Variants in NCAM2 observed in about 807,000 individuals in gnomAD.
NCAM2 encodes the protein neural cell adhesion molecule 2, also known as N-CAM-2.
In NCAM2, 30 loss-of-function variants were observed where a neutral mutation model predicts 98.1. That is an observed-to-expected ratio of 0.31 (90% CI 0.23 to 0.41). NCAM2 has a LOEUF of 0.41. NCAM2 is among the 10% of genes least tolerant of loss of function. The probability of loss-of-function intolerance (pLI) is 1.00; values close to 1 mark genes in which losing one functional copy is unlikely to be tolerated. For missense variants in NCAM2, 867 were observed against 1,005.8 expected, an observed-to-expected ratio of 0.86 and a Z score of 1.87; for synonymous variants, 368 against 342.4, an observed-to-expected ratio of 1.07 and a Z score of -0.83.
chr21:21,204,485 C>T (rs1260981465), intron 1 of NCAM2, among the ~76,000 whole-genome samples: 4 of 151,912 alleles, frequency 2.6e-5, no homozygotes, highest in African/African-American at 4.8e-5. Context: ...TTGTTTTGTT[C>T]GCTGTTTTGT....
intron 1 of NCAM2, among the ~76,000 whole-genome samples, chr21:21,009,288 C>T (rs59464595): frequency 0.025 from 3,813 of 152,088 alleles, 69 homozygotes; most frequent in African/African-American, 0.046. Flanking sequence ...TTATTTCACA[C>T]GTTTTGTTTA....
At chr21:21,327,020 C>G (rs922667525) in intron 6 of NCAM2, among the ~76,000 whole-genome samples, 2 of 152,142 alleles carry the variant, frequency 1.3e-5, no homozygotes, top group African/African-American at 4.8e-5. Flanking sequence ...TACTAGTCAG[C>G]TTGGGCTGCC....
At chr21:21,511,796 T>A (rs1438114238) in intron 16 of NCAM2, among the ~76,000 whole-genome samples, 1 of 152,002 alleles carries the variant, frequency 6.6e-6, no homozygotes, top group African/African-American at 2.4e-5. Context: ...CCATTTTAAC[T>A]GGGATGAGAT....
At chr21:21,254,321 G>A (rs1263709757) in intron 1 of NCAM2, among the ~76,000 whole-genome samples, 1 of 152,176 alleles carries the variant, frequency 6.6e-6, no homozygotes, top group African/African-American at 2.4e-5. Flanking sequence ...CAGCTATTAA[G>A]TCGCAACGCC....
chr21:21,369,944 T>TAA (rs1301396115), intron 8 of NCAM2, among the ~76,000 whole-genome samples: 6 of 151,768 alleles, frequency 4.0e-5, no homozygotes, highest in African/African-American at 1.2e-4. Context: ...GCTGACTTTG[T>TAA]AGGGGTACAA....
Position 21,011,552 on chromosome 21 carries a change from C to T in NCAM2, c.55+12934C>T, listed in dbSNP as rs190501004. The stretch of plus-strand genomic sequence containing the variant: ...TTATTATATCAAGCTAAGTATCTAT[C>T]GCCTTATATAGTTATTTCTGTTGTT... On this transcript the variant is annotated intron_variant, in intron 1 of 17. Transcript: ENST00000400546. Among the ~76,000 whole-genome samples the T allele has an allele frequency of 2.0e-5, 3 of 152,118 alleles. 1 individual carries two copies. Among genetic ancestry groups the T allele is most frequent in the East Asian group, 3.9e-4 (2 of 5,180 alleles).
chr21:21,292,229 G>C lies in NCAM2; in HGVS notation c.607G>C (p.Val203Leu). Residue 203 changes from valine (V) to leucine (L), a missense_variant, in exon 5 of 18, where the codon GTT (valine) becomes CTT (leucine). Transcript: ENST00000400546. ...AGAAATTGACTTCCGTGATATCATTGTTATTGTTAATGGTAAGCAGTAAAT... is the reference window on the plus strand; with the variant it reads ...AGAAATTGACTTCCGTGATATCATTCTTATTGTTAATGGTAAGCAGTAAAT... ...RGEIDFRDII[V>L]IVNVPPAISM... is the part of the protein sequence containing the mutation. 1 of 1,608,680 alleles carries C rather than the reference G, an allele frequency of 6.2e-7. No homozygotes were observed.
intron 1 of NCAM2, among the ~76,000 whole-genome samples, chr21:21,098,197 A>G (rs2066164204): frequency 2.0e-5 from 3 of 151,422 alleles, no homozygotes; most frequent in Admixed American, 1.3e-4. Flanking sequence ...CATTTATTTC[A>G]TTTTGATATT....
chr21:21,269,107 C>T (rs2072400869), intron 1 of NCAM2, among the ~76,000 whole-genome samples: 1 of 152,114 alleles, frequency 6.6e-6, no homozygotes, highest in South Asian at 2.1e-4. Flanking sequence ...AATTTATTTG[C>T]CATTTAAAAA....
chr21:21,367,303 A>G (rs2075811994), intron 8 of NCAM2, among the ~76,000 whole-genome samples: 1 of 151,918 alleles, frequency 6.6e-6, no homozygotes, highest in Non-Finnish European at 1.5e-5. Context: ...CATGCTGGTG[A>G]AATCTGGGCT....
intron 15 of NCAM2, among the ~76,000 whole-genome samples, chr21:21,504,999 T>G (rs1987890488): frequency 6.6e-6 from 1 of 152,024 alleles, no homozygotes; most frequent in Non-Finnish European, 1.5e-5. Context: ...GTCATCCTGT[T>G]GTGCTATTAA....
intron 5 of NCAM2, among the ~76,000 whole-genome samples, chr21:21,302,645 A>G (rs956018916): frequency 6.6e-6 from 1 of 152,128 alleles, no homozygotes; most frequent in Non-Finnish European, 1.5e-5. Flanking sequence ...GTATATAACT[A>G]TTGTTGGAAA....
chr21:21,352,066 A>G (rs2075356767), intron 8 of NCAM2, among the ~76,000 whole-genome samples: 1 of 150,978 alleles, frequency 6.6e-6, no homozygotes, highest in Non-Finnish European at 1.5e-5. Context: ...TTTGGTTGTT[A>G]TTGTTTCCTT....
chr21:21,508,103 TTA>T (rs1912900148), intron 15 of NCAM2, among the ~76,000 whole-genome samples: 1 of 152,170 alleles, frequency 6.6e-6, no homozygotes, highest in Admixed American at 6.5e-5. Flanking sequence ...GTTACTTTCT[TTA>T]TGTCTTTTGG....
intron 8 of NCAM2, among the ~76,000 whole-genome samples, chr21:21,369,237 C>T (rs1213336207): frequency 6.6e-6 from 1 of 151,776 alleles, no homozygotes; most frequent in African/African-American, 2.4e-5. Flanking sequence ...CCTTTGTTAT[C>T]AGCTTTTTCC....
intron 9 of NCAM2, among the ~76,000 whole-genome samples, chr21:21,378,839 T>G (rs571663306): frequency 6.6e-6 from 1 of 152,188 alleles, no homozygotes; most frequent in Non-Finnish European, 1.5e-5. Context: ...TAAATACTAT[T>G]CTCTGGAATA....
chr21:21,152,781 T>C (rs2067484724), intron 1 of NCAM2, among the ~76,000 whole-genome samples: 1 of 151,998 alleles, frequency 6.6e-6, no homozygotes, highest in Non-Finnish European at 1.5e-5. Context: ...GTAGTTGTTG[T>C]TTCCCTCTCT....
Position 21,432,057 on chromosome 21 carries a change from G to A in NCAM2, c.1481-51G>A, listed in dbSNP as rs765014832. ...TCATAACACCATAAGCCTTAATAAT[G>A]GCCATTCCCATTCCCTTGGTTATGT... is the stretch of plus-strand genomic sequence containing the variant. On this transcript the variant is annotated intron_variant, in intron 11 of 17. Transcript: ENST00000400546. 3 of 1,546,940 alleles carry A rather than the reference G, an allele frequency of 1.9e-6. No individual in the cohort carries two copies. The East Asian group carries it at 6.8e-5, about 35-fold the overall frequency.
intron 9 of NCAM2, among the ~76,000 whole-genome samples, chr21:21,382,607 C>CT (rs1356021010): frequency 6.6e-6 from 1 of 151,866 alleles, no homozygotes; most frequent in African/African-American, 2.4e-5. Context: ...CCTTCACCTC[C>CT]TGGGTTCAAG....
Sources: allele counts gnomAD v4.1 joint callset (sites outside exome capture counted in the v4.1 genomes callset), GRCh38; gene constraint gnomAD v4.1.1; transcripts MANE v1.5; gene names NCBI Gene and HGNC (gene_info 2026-07-23, HGNC 2026-07-21).